Variants in TBC1D30 observed in about 807,000 individuals in gnomAD.
The protein encoded by TBC1D30 is TBC1 domain family member 30, also known as TBC1 domain family, member 30.
Under a neutral mutation model 63.2 loss-of-function variants are expected in TBC1D30, and 31 were observed. That is an observed-to-expected ratio of 0.49 (90% CI 0.37 to 0.66). The LOEUF (loss-of-function observed/expected upper bound fraction) is 0.66, where lower values mean the gene tolerates loss of function less well. TBC1D30 is among the 30% of genes least tolerant of loss of function. The pLI, the probability that TBC1D30 is intolerant of heterozygous loss-of-function variation, is 0.00. For missense variants in TBC1D30, 810 were observed against 953.6 expected (o/e 0.85, Z 1.98); for synonymous variants, 307 against 361.5 (o/e 0.85, Z 1.71).
intron 1 of TBC1D30, among the ~76,000 whole-genome samples, chr12:64,771,523 C>G (rs1411802122): frequency 6.6e-6 from 1 of 152,062 alleles, no homozygotes; most frequent in Non-Finnish European, 1.5e-5. Context: ...CAGAGGGCAA[C>G]AAACAAGTGC....
At chr12:64,865,821 T>C (rs1054484708) in intron 9 of TBC1D30, among the ~76,000 whole-genome samples, 7 of 152,282 alleles carry the variant, frequency 4.6e-5, no homozygotes, top group Middle Eastern at 3.4e-3. Context: ...CACTCAAGTG[T>C]ATACCATTAG....
intron 10 of TBC1D30, among the ~76,000 whole-genome samples, chr12:64,869,817 A>T (rs1210318295): frequency 6.6e-6 from 1 of 152,202 alleles, no homozygotes; most frequent in Admixed American, 6.5e-5. Flanking sequence ...TGTCTGAATA[A>T]CACTCTCAGC....
chr12:64,798,937 C>T (rs866589388), intron 2 of TBC1D30, among the ~76,000 whole-genome samples: 3 of 151,850 alleles, frequency 2.0e-5, no homozygotes, highest in East Asian at 1.9e-4. Context: ...CTCAGCCTCC[C>T]GAGTAGCTGG....
At chr12:64,806,754 A>T (rs918979430) in intron 2 of TBC1D30, among the ~76,000 whole-genome samples, 5 of 152,226 alleles carry the variant, frequency 3.3e-5, no homozygotes, top group Admixed American at 2.6e-4. Flanking sequence ...GAGTCACAAT[A>T]GCCAAAAGGT....
intron 1 of TBC1D30, among the ~76,000 whole-genome samples, chr12:64,775,008 G>A (rs1441870356): frequency 6.6e-6 from 1 of 151,930 alleles, no homozygotes; most frequent in Non-Finnish European, 1.5e-5. Context: ...CATGAGAATT[G>A]GTTGAACCCA....
rs1001327881 is a variant in TBC1D30 at position 64,785,908 on chromosome 12, G to A, written c.506G>A (p.Arg169Gln). The A allele has an allele frequency of 4.6e-5, 59 of 1,289,562 alleles. 1 individual carries two copies. In the Admixed American group the frequency reaches 1.1e-3, roughly 25 times the overall value. The allele number at this position is 1,289,562 out of a possible 1,614,324, so 79.9% of individuals were successfully genotyped here. A position where few individuals can be genotyped will look rare whatever the true frequency, so the allele number is the denominator to read the frequency against. ...GCTAATGAACTGAAGACGATCCTTC[G>A]AGAGCTAAAGTACAGAATTGGCATC... Residue 169 changes from arginine to glutamine, a missense_variant, in exon 2 of 13, where the codon CGA (arginine) becomes CAA (glutamine). By Grantham distance (43) the Arg-to-Gln change is conservative (BLOSUM62 1). Coordinates refer to the TBC1D30 transcript ENST00000542120.
At chr12:64,813,248 G>A (rs752498011) in intron 2 of TBC1D30, among the ~76,000 whole-genome samples, 1 of 152,076 alleles carries the variant, frequency 6.6e-6, no homozygotes, top group South Asian at 2.1e-4. Context: ...AAATTAGCCG[G>A]ATGTGGTGGT....
chr12:64,763,893 G>A (rs1870613339), intron 1 of TBC1D30, among the ~76,000 whole-genome samples: 1 of 152,092 alleles, frequency 6.6e-6, no homozygotes, highest in South Asian at 2.1e-4. Flanking sequence ...GCCTCCCAAG[G>A]TGCTGGGATT....
At chr12:64,802,062 T>C (rs1872606841) in intron 2 of TBC1D30, among the ~76,000 whole-genome samples, 1 of 152,202 alleles carries the variant, frequency 6.6e-6, no homozygotes, top group African/African-American at 2.4e-5. Context: ...ATGGACTCTG[T>C]ATAGAAATAT....
chr12:64,779,628 G>T (rs1271093673), upstream of TBC1D30, among the ~76,000 whole-genome samples: 1 of 152,132 alleles, frequency 6.6e-6, no homozygotes, highest in Non-Finnish European at 1.5e-5. Flanking sequence ...CACCAGTGTT[G>T]TTCACCAGGT....
intron 10 of TBC1D30, 64 bp downstream of exon 10, chr12:64,866,967 T>C: frequency 2.7e-6 from 4 of 1,505,166 alleles, no homozygotes; most frequent in South Asian, 1.2e-5. Context: ...AAGAGTGATA[T>C]TGTGTCCTAT....
chr12:64,759,814 CAG>C (rs1271847360), intron 1 of TBC1D30, among the ~76,000 whole-genome samples: 1 of 152,226 alleles, frequency 6.6e-6, no homozygotes, highest in Non-Finnish European at 1.5e-5. Flanking sequence ...CTGTACATAA[CAG>C]AAATTATCAT....
exon 1 of TBC1D30, chr12:64,759,530 TGGCGGAAAAGG>T: frequency 2.1e-6 from 1 of 467,394 alleles, no homozygotes; most frequent in Non-Finnish European, 3.8e-6. Context: ...CATCAGGCAG[TGGCGGAAAAGG>T]GGCGGAGAAC....
At chr12:64,798,665 G>C (rs1258523275) in intron 2 of TBC1D30, among the ~76,000 whole-genome samples, 3 of 152,146 alleles carry the variant, frequency 2.0e-5, no homozygotes, top group Non-Finnish European at 4.4e-5. Context: ...GGGATGAGTG[G>C]TAGAAAGATG....
chr12:64,781,935 C>G (rs1348978999), intron 1 of TBC1D30, among the ~76,000 whole-genome samples: 1 of 151,688 alleles, frequency 6.6e-6, no homozygotes, highest in Non-Finnish European at 1.5e-5. Flanking sequence ...AGGTTTATTA[C>G]AGAATTTAAC....
chr12:64,787,492 G>A (rs975184385), intron 2 of TBC1D30: 2 of 423,660 alleles, frequency 4.7e-6, no homozygotes, highest in African/African-American at 2.2e-5. Context: ...CATTTTGTAC[G>A]TAAATTGACA....
chr12:64,777,737 C>T (rs1487838609), upstream of TBC1D30, among the ~76,000 whole-genome samples: 1 of 152,152 alleles, frequency 6.6e-6, no homozygotes, highest in Non-Finnish European at 1.5e-5. Context: ...TGACATTCTC[C>T]ACAGAACTAG....
At chr12:64,812,069 C>A (rs1037376898) in intron 2 of TBC1D30, among the ~76,000 whole-genome samples, 1 of 152,110 alleles carries the variant, frequency 6.6e-6, no homozygotes, top group Non-Finnish European at 1.5e-5. Flanking sequence ...TTTGTTCATT[C>A]TTTTTTCTTT....
intron 2 of TBC1D30, chr12:64,818,398 T>C: frequency 1.0e-6 from 1 of 983,988 alleles, no homozygotes; most frequent in Non-Finnish European, 1.2e-6. Context: ...TTTCACACAA[T>C]CCTTGTGTCC....
Sources: allele counts gnomAD v4.1 joint callset (sites outside exome capture counted in the v4.1 genomes callset), GRCh38; gene constraint gnomAD v4.1.1; transcripts MANE v1.5; gene names NCBI Gene and HGNC (gene_info 2026-07-23, HGNC 2026-07-21).